ZNF407: variants seen among roughly 807,000 people sequenced by gnomAD.
The protein encoded by ZNF407 is zinc finger protein 407.
Under a neutral mutation model 131.2 loss-of-function variants are expected in ZNF407, and 17 were observed. The observed-to-expected ratio is 0.13, with a 90% CI of 0.09 to 0.19. The LOEUF (loss-of-function observed/expected upper bound fraction) is 0.19. Among genes scored for constraint, ZNF407 ranks in the 10% least tolerant of loss-of-function variants. The pLI is 1.00. For synonymous variants in ZNF407, 1,156 were observed against 1,062.0 expected, an observed-to-expected ratio of 1.09 and a Z score of -1.72; for missense variants, 2,681 against 2,830.6, an observed-to-expected ratio of 0.95 and a Z score of 1.20.
chr18:74,870,523 G>A (rs1048064251), intron 4 of ZNF407, among the ~76,000 whole-genome samples: 3 of 152,160 alleles, frequency 2.0e-5, no homozygotes, highest in Non-Finnish European at 2.9e-5. Flanking sequence ...TTCTTAATAC[G>A]AATTATGCTC....
intron 1 of ZNF407, among the ~76,000 whole-genome samples, chr18:74,628,887 C>T (rs1324258695): frequency 6.6e-6 from 1 of 152,148 alleles, no homozygotes; most frequent in Admixed American, 6.6e-5. Context: ...GCCGATACTT[C>T]ATTCTTTTTT....
intron 3 of ZNF407, among the ~76,000 whole-genome samples, chr18:74,670,545 G>A (rs1420114539): frequency 6.6e-6 from 1 of 152,046 alleles, no homozygotes; most frequent in African/African-American, 2.4e-5. Flanking sequence ...ATATCTCTAA[G>A]GAATAAAAAA....
At chr18:74,974,534 A>C (rs1319576977) in intron 8 of ZNF407, among the ~76,000 whole-genome samples, 2 of 152,212 alleles carry the variant, frequency 1.3e-5, no homozygotes, top group African/African-American at 4.8e-5. Context: ...GCTAAATATG[A>C]AACTGTCTTT....
At chr18:74,866,205 C>T (rs1030421700) in intron 4 of ZNF407, among the ~76,000 whole-genome samples, 15 of 152,156 alleles carry the variant, frequency 9.9e-5, no homozygotes, top group South Asian at 2.1e-4. Context: ...GCACTAAAAT[C>T]GCATCTTGGT....
chr18:74,736,420 G>T (rs1361812648), intron 3 of ZNF407, among the ~76,000 whole-genome samples: 2 of 152,052 alleles, frequency 1.3e-5, no homozygotes. Flanking sequence ...TAAAATACAG[G>T]TTAACTCATT....
chr18:74,781,989 T>C (rs1367807630), intron 4 of ZNF407, among the ~76,000 whole-genome samples: 1 of 152,344 alleles, frequency 6.6e-6, no homozygotes, highest in Non-Finnish European at 1.5e-5. Flanking sequence ...ACTACAATTA[T>C]TATGTCATCA....
intron 3 of ZNF407, among the ~76,000 whole-genome samples, chr18:74,761,345 G>C (rs1022829684): frequency 1.3e-5 from 2 of 151,932 alleles, no homozygotes; most frequent in Middle Eastern, 3.2e-3. Context: ...TCTTATACTT[G>C]TGCATATTTC....
At chr18:74,941,865 G>A (rs529329237) in intron 8 of ZNF407, among the ~76,000 whole-genome samples, 1 of 152,296 alleles carries the variant, frequency 6.6e-6, no homozygotes, top group Non-Finnish European at 1.5e-5. Flanking sequence ...AGTTGACAAA[G>A]GTATTCCAGG....
chr18:74,716,356 C>G (rs1404403754), intron 3 of ZNF407, among the ~76,000 whole-genome samples: 2 of 152,066 alleles, frequency 1.3e-5, no homozygotes, highest in African/African-American at 2.4e-5. Flanking sequence ...TCTTATATTC[C>G]TCTTATTTCT....
intron 8 of ZNF407, among the ~76,000 whole-genome samples, chr18:74,976,951 C>T (rs959195495): frequency 6.6e-6 from 1 of 152,206 alleles, no homozygotes; most frequent in Non-Finnish European, 1.5e-5. Context: ...TCCAGATAGG[C>T]TTACATGCTA....
At chr18:74,766,009 C>CTGTG (rs58103313) in intron 3 of ZNF407, among the ~76,000 whole-genome samples, 14 of 148,196 alleles carry the variant, frequency 9.4e-5, no homozygotes, top group African/African-American at 3.5e-4. Context: ...GCATATTACT[C>CTGTG]TGTGTGTGTG....
intron 3 of ZNF407, among the ~76,000 whole-genome samples, chr18:74,642,386 T>C (rs1984764122): frequency 6.6e-6 from 1 of 152,128 alleles, no homozygotes; most frequent in Non-Finnish European, 1.5e-5. Context: ...TCATCTATTG[T>C]TTTTACCATA....
chr18:74,665,498 C>T (rs1442850983), intron 3 of ZNF407, among the ~76,000 whole-genome samples: 1 of 152,114 alleles, frequency 6.6e-6, no homozygotes, highest in Non-Finnish European at 1.5e-5. Flanking sequence ...AGTTCATTGA[C>T]CAGAGCTGAG....
At chr18:74,652,823 G>C (rs1478280025) in intron 3 of ZNF407, among the ~76,000 whole-genome samples, 2 of 151,884 alleles carry the variant, frequency 1.3e-5, no homozygotes, top group African/African-American at 4.8e-5. Flanking sequence ...CTCAGTTTCA[G>C]TCACCTCTCA....
In ZNF407 at chr18:74,634,294, A is replaced by G. The variant is rs762943217; in HGVS notation, c.3275A>G (p.Lys1092Arg). 1.7e-5 allele frequency: 27 copies of G among 1,613,936 alleles called. No homozygotes were observed. The highest frequency in any genetic ancestry group is 9.3e-6 in the Non-Finnish European group (11 of 1,179,900). Reference protein sequence around the residue: ...NVEAGSADMSKNIIMPEEEHQ... With the variant: ...NVEAGSADMSRNIIMPEEEHQ... ...GAAGCTGGTTCTGCAGACATGTCCA[A>G]AAACATCATTATGCCTGAAGAAGAG... Residue 1092 changes from lysine to arginine, a missense_variant, in exon 2 of 9, where the codon AAA (lysine) becomes AGA (arginine). This residue lies in a region of ZNF407 where 1,789 missense variants were observed against 1,748.7 expected (regional missense o/e 1.02). Transcript: ENST00000299687.
intron 8 of ZNF407, among the ~76,000 whole-genome samples, chr18:75,009,964 A>G (rs1477415309): frequency 6.6e-6 from 1 of 152,214 alleles, no homozygotes; most frequent in Non-Finnish European, 1.5e-5. Context: ...GTGCTGTCCT[A>G]GACTTAAGGA....
intron 3 of ZNF407, among the ~76,000 whole-genome samples, chr18:74,762,756 G>T (rs1435948990): frequency 1.3e-5 from 2 of 150,058 alleles, no homozygotes; most frequent in African/African-American, 2.4e-5. Context: ...TTTCTTTTTT[G>T]TTGTTGTTGT....
intron 8 of ZNF407, among the ~76,000 whole-genome samples, chr18:75,024,979 TAATG>T (rs753901218): frequency 4.6e-5 from 7 of 152,358 alleles, no homozygotes; most frequent in Admixed American, 1.3e-4. Context: ...TTTGCATGAA[TAATG>T]AATCTTTGAA....
At chr18:74,980,216 C>T (rs564570825) in intron 8 of ZNF407, among the ~76,000 whole-genome samples, 8 of 150,550 alleles carry the variant, frequency 5.3e-5, no homozygotes, top group East Asian at 3.9e-4. Context: ...AATTCCAAAA[C>T]GGAAGACGAG....
Sources: gnomAD v4.1 joint callset for allele counts (sites outside exome capture counted in the v4.1 genomes callset) on GRCh38, gnomAD v4.1.1 for gene constraint, gnomAD v4.1.1 regional missense constraint, MANE v1.5 for transcripts, NCBI Gene and HGNC (gene_info 2026-07-23, HGNC 2026-07-21) for gene names.